The following PRMT3 variants were observed in gnomAD, a reference collection of about 807,000 sequenced individuals.
PRMT3 encodes protein arginine N-methyltransferase 3.
Under a neutral mutation model 71.9 loss-of-function variants are expected in PRMT3, and 62 were observed. The observed-to-expected ratio is 0.86, with a 90% confidence interval of 0.70 to 1.07. The LOEUF (loss-of-function observed/expected upper bound fraction) is 1.07. Among genes scored for constraint, PRMT3 ranks in the 50% least tolerant of loss-of-function variants. The pLI is 0.00. For synonymous variants in PRMT3, 213 were observed against 220.4 expected (o/e 0.97, Z 0.30); for missense variants, 663 against 643.0 (o/e 1.03, Z -0.34).
rs373387649 is a variant in PRMT3, at chr11:20,483,617, T to G, written c.1348-10302T>G. 1.1e-4 allele frequency among the ~76,000 whole-genome samples: 17 copies of G among 151,726 alleles called. No individual in the cohort carries two copies. In the East Asian group the frequency reaches 2.7e-3, roughly 24 times the overall value. ...TCATTCAAACATGGACTGAACACTA[T>G]GTGTGGGCTTCTGTGCTAGGCACTA... On this transcript the variant is annotated intron_variant, in intron 13 of 15. Coordinates refer to ENST00000331079, the MANE Select transcript of PRMT3 (RefSeq NM_005788.4).
At chr11:20,498,749 T>G (rs997638679) in intron 15 of PRMT3, among the ~76,000 whole-genome samples, 6 of 152,126 alleles carry the variant, frequency 3.9e-5, no homozygotes, top group Admixed American at 3.9e-4. Flanking sequence ...AAAAGAATAT[T>G]CATCAAAAAC....
chr11:20,395,926 C>G lies in PRMT3; in HGVS notation c.524C>G (p.Ala175Gly), dbSNP rs143496636. The change falls in exon 6 of 16, where the codon GCA becomes GGA. Residue 175 changes from alanine (A) to glycine (G), a missense_variant. Ala to Gly is a moderately conservative substitution (Grantham distance 60). Transcript: ENST00000331079. Reference protein sequence around the residue: ...MEARALSAEAALARAREDLQK... With the variant: ...MEARALSAEAGLARAREDLQK... ...GCCAGGGCACTGTCTGCTGAAGCCGCATTGGCCAGAGCACGTGAGGATCTG... is the reference window on the plus strand; with the variant it reads ...GCCAGGGCACTGTCTGCTGAAGCCGGATTGGCCAGAGCACGTGAGGATCTG... The G allele has an allele frequency of 3.0e-5, 49 of 1,614,024 alleles. No homozygotes were observed. Among genetic ancestry groups the G allele is most frequent in the Middle Eastern group, 1.6e-4 (1 of 6,062 alleles).
At chr11:20,414,996 A>G (rs953649030) in intron 9 of PRMT3, among the ~76,000 whole-genome samples, 1 of 149,024 alleles carries the variant, frequency 6.7e-6, no homozygotes, top group African/African-American at 2.5e-5. Context: ...TAATGATTTT[A>G]AAGACAGTGG....
intron 15 of PRMT3, among the ~76,000 whole-genome samples, chr11:20,504,684 T>TTGTGTG (rs36130968): frequency 3.3e-5 from 4 of 121,116 alleles, no homozygotes; most frequent in Admixed American, 9.0e-5. Flanking sequence ...ATCTCAAGTA[T>TTGTGTG]TGTATGTGTG....
intron 13 of PRMT3, among the ~76,000 whole-genome samples, chr11:20,464,852 C>G (rs1038499837): frequency 6.6e-6 from 1 of 152,186 alleles, no homozygotes; most frequent in African/African-American, 2.4e-5. Context: ...GACCAAAGTT[C>G]ATACCCTATT....
chr11:20,417,362 A>G (rs1449610714), intron 9 of PRMT3, among the ~76,000 whole-genome samples: 1 of 152,168 alleles, frequency 6.6e-6, no homozygotes, highest in South Asian at 2.1e-4. Flanking sequence ...CTATTAGGAT[A>G]TTCCTTTCTT....
chr11:20,476,793 A>T (rs533883058), intron 13 of PRMT3, among the ~76,000 whole-genome samples: 1 of 151,664 alleles, frequency 6.6e-6, no homozygotes, highest in East Asian at 1.9e-4. Flanking sequence ...CCATCTTTTT[A>T]TCTGAATTCC....
chr11:20,416,429 C>T (rs764805748), intron 9 of PRMT3, among the ~76,000 whole-genome samples: 12 of 152,230 alleles, frequency 7.9e-5, no homozygotes, highest in South Asian at 4.2e-4. Context: ...ATCAGCTCCC[C>T]GTGGTGTGGC....
chr11:20,458,901 T>A (rs919863150), intron 11 of PRMT3, among the ~76,000 whole-genome samples: 2 of 152,220 alleles, frequency 1.3e-5, no homozygotes, highest in African/African-American at 4.8e-5. Flanking sequence ...TTTTAGTAAG[T>A]TACAATTTTT....
At chr11:20,503,852 G>A (rs1035706966) in intron 15 of PRMT3, among the ~76,000 whole-genome samples, 3 of 152,096 alleles carry the variant, frequency 2.0e-5, no homozygotes, top group African/African-American at 4.8e-5. Context: ...CCTAGAAGTG[G>A]AATTACTGGG....
chr11:20,461,812 A>C (rs1292209762), intron 11 of PRMT3, among the ~76,000 whole-genome samples, 168 bp from the exon 12 acceptor site: 1 of 152,194 alleles, frequency 6.6e-6, no homozygotes, highest in Non-Finnish European at 1.5e-5. Context: ...TTTTTAAAAG[A>C]GGCTACAAGA....
intron 13 of PRMT3, among the ~76,000 whole-genome samples, chr11:20,491,916 A>G (rs1477988737): frequency 1.3e-5 from 2 of 152,200 alleles, no homozygotes; most frequent in African/African-American, 4.8e-5. Context: ...GTTAAAAATT[A>G]TTAGTTCCAT....
intron 10 of PRMT3, among the ~76,000 whole-genome samples, chr11:20,427,152 A>G (rs528124053): frequency 7.2e-5 from 11 of 152,072 alleles, no homozygotes; most frequent in Admixed American, 1.3e-4. Context: ...TCTACTTTCT[A>G]AGTTTTAGAT....
At chr11:20,478,453 G>C (rs1453337076) in intron 13 of PRMT3, among the ~76,000 whole-genome samples, 6 of 150,688 alleles carry the variant, frequency 4.0e-5, no homozygotes, top group Admixed American at 3.3e-4. Context: ...TGATCTACTT[G>C]ATAGGAGTTG....
At chr11:20,450,548 T>C (rs1045082459) in intron 10 of PRMT3, among the ~76,000 whole-genome samples, 1 of 152,188 alleles carries the variant, frequency 6.6e-6, no homozygotes, top group Admixed American at 6.6e-5. Flanking sequence ...AACATGTTTC[T>C]GTCAAATCCT....
chr11:20,465,071 CGTT>C (rs1368252012), intron 13 of PRMT3, among the ~76,000 whole-genome samples: 1 of 152,040 alleles, frequency 6.6e-6, no homozygotes, highest in Non-Finnish European at 1.5e-5. Flanking sequence ...CCACTTATTT[CGTT>C]GTTAAGTTAC....
intron 4 of PRMT3, 151 bp from the exon 5 acceptor site, chr11:20,392,746 A>C: frequency 5.8e-6 from 3 of 516,078 alleles, no homozygotes; most frequent in Non-Finnish European, 1.0e-5. Flanking sequence ...CAGCAAGTTA[A>C]TGAAATGACA....
chr11:20,491,191 T>C (rs190317051), intron 13 of PRMT3, among the ~76,000 whole-genome samples: 178 of 152,296 alleles, frequency 1.2e-3, no homozygotes, highest in African/African-American at 4.1e-3. Flanking sequence ...CATTTGGTGC[T>C]TTTTTATGGT....
intron 13 of PRMT3, among the ~76,000 whole-genome samples, chr11:20,485,207 T>G (rs1261245874): frequency 6.6e-6 from 1 of 152,044 alleles, no homozygotes; most frequent in Non-Finnish European, 1.5e-5. Flanking sequence ...AGATCTCGGT[T>G]TGCCATGCCC....
Sources: allele counts gnomAD v4.1 joint callset (sites outside exome capture counted in the v4.1 genomes callset), GRCh38; gene constraint gnomAD v4.1.1; transcripts MANE v1.5; gene names NCBI Gene and HGNC (gene_info 2026-07-23, HGNC 2026-07-21).